The following CD4 variants were observed in gnomAD, a reference collection of about 807,000 sequenced individuals.
CD4 encodes CD4 molecule.
A neutral mutation model predicts 50.5 loss-of-function variants in CD4; 25 were observed. The observed-to-expected ratio is 0.49, with a 90% CI of 0.36 to 0.69. CD4 has a LOEUF of 0.69. Among genes scored for constraint, CD4 ranks in the 30% least tolerant of loss-of-function variants. The probability of loss-of-function intolerance (pLI) is 0.00; values close to 1 mark genes in which losing one functional copy is unlikely to be tolerated. For missense variants in CD4, 456 were observed against 548.5 expected, an observed-to-expected ratio of 0.83 and a Z score of 1.68; for synonymous variants, 207 against 221.9, an observed-to-expected ratio of 0.93 and a Z score of 0.60.
chr12:6,817,671 C>G (rs1224241789), intron 7 of CD4, among the ~76,000 whole-genome samples: 1 of 152,010 alleles, frequency 6.6e-6, no homozygotes, highest in East Asian at 1.9e-4. Context: ...CACACTCACA[C>G]ACATACACTC....
intron 5 of CD4, chr12:6,815,760 G>A (rs1481231743): frequency 7.1e-7 from 1 of 1,403,210 alleles, no homozygotes; most frequent in African/African-American, 1.4e-5. Flanking sequence ...AGGAGTGGAG[G>A]CCAAATGGCT....
intron 3 of CD4, among the ~76,000 whole-genome samples, chr12:6,809,890 C>CTTT (rs33952514): frequency 0.11 from 14,338 of 125,822 alleles, 1,417 homozygotes; most frequent in East Asian, 0.29. Context: ...GCCTATACCT[C>CTTT]TTTTTTTTTT....
At chr12:6,806,151 G>A (rs1555116130) in intron 3 of CD4, among the ~76,000 whole-genome samples, 1 of 81,634 alleles carries the variant, frequency 1.2e-5, no homozygotes, top group Non-Finnish European at 2.5e-5. Context: ...AAAAAAAAAG[G>A]TACATACACA....
rs1165753347 is a variant in CD4, at chr12:6,816,497, G to A, written c.955+94G>A. The stretch of plus-strand genomic sequence containing the variant: ...TGAGGCAAGCCAGGCCCCAAGAGGG[G>A]ATGCCTAGGCCCTGGTCACCTGGAT... On this transcript the variant is annotated intron_variant, in intron 6 of 9. Transcript: ENST00000011653. The surrounding 1 kb of genome is among the most constrained non-coding windows in gnomAD (Gnocchi z 4.9). 2 of 1,047,234 alleles carry A rather than the reference G, an allele frequency of 1.9e-6. No individual in the cohort carries two copies. The highest frequency in any genetic ancestry group is 1.6e-5 in the African/African-American group (1 of 61,964). The allele number at this position is 1,047,234 out of a possible 1,614,324, so 64.9% of individuals were successfully genotyped here.
chr12:6,794,195 C>T (rs1311889095), intron 1 of CD4, among the ~76,000 whole-genome samples: 4 of 150,458 alleles, frequency 2.7e-5, no homozygotes, highest in Non-Finnish European at 5.9e-5. Context: ...ACCTCAGCCT[C>T]CTCAGTAGCT....
chr12:6,815,935 G>C, intron 5 of CD4, 121 bp from the exon 6 acceptor site: 1 of 1,530,016 alleles, frequency 6.5e-7, no homozygotes, highest in South Asian at 1.2e-5. Context: ...GAAGTGACAA[G>C]GTGGGTGTCT....
At position 6,816,384 on chromosome 12, in the gene CD4, G is replaced by A; in HGVS notation, c.936G>A (p.Val312=). Residue 312 remains valine (V), a synonymous_variant, in exon 6 of 10, where the codon GTG becomes GTA. Coordinates refer to ENST00000011653, the MANE Select transcript of CD4 (RefSeq NM_000616.5). The surrounding 1 kb of genome is among the most constrained non-coding windows in gnomAD (Gnocchi z 4.9). ...EAKTGKLHQE[V]NLVVMRATQL... is the part of the protein sequence containing the mutation. ...AAACAGGAAAGTTGCATCAGGAAGT[G>A]AACCTGGTGGTGATGAGAGGTGAGG... The A allele has an allele frequency of 6.2e-7, 1 of 1,613,418 alleles. No homozygotes were observed. The highest frequency in any genetic ancestry group is 8.5e-7 in the Non-Finnish European group (1 of 1,179,600).
Position 6,816,785 on chromosome 12 carries a change from C to T in CD4, c.956-345C>T, listed in dbSNP as rs1943093883. On this transcript the variant is annotated intron_variant, in intron 6 of 9. Coordinates refer to ENST00000011653, the MANE Select transcript of CD4 (RefSeq NM_000616.5). This position sits in a 1 kb window ranked among gnomAD's most constrained non-coding sequence, Gnocchi z 4.9. ...TAATGTCAAGCTCCAAATTGAGTTT[C>T]TGGCTTCCTTATCTCCTTATCATCA... Among the ~76,000 whole-genome samples the T allele has an allele frequency of 1.3e-5, 2 of 152,334 alleles. No individual in the cohort carries two copies. The highest frequency in any genetic ancestry group is 1.5e-5 in the Non-Finnish European group (1 of 68,022).
intron 1 of CD4, among the ~76,000 whole-genome samples, chr12:6,791,242 A>T (rs923925261): frequency 1.4e-4 from 22 of 152,030 alleles, no homozygotes; most frequent in African/African-American, 5.3e-4. Flanking sequence ...TGCACGTTTT[A>T]TTTTTTATTA....
intron 3 of CD4, among the ~76,000 whole-genome samples, chr12:6,805,432 G>A (rs1555116010): frequency 1.3e-5 from 2 of 151,294 alleles, no homozygotes; most frequent in South Asian, 2.1e-4. Flanking sequence ...GTGTTGTGGC[G>A]CATGCCTGAT....
chr12:6,798,098 T>C (rs2857239), intron 1 of CD4, among the ~76,000 whole-genome samples: 99,898 of 151,778 alleles, frequency 0.66, 33,020 homozygotes, highest in African/African-American at 0.7. Context: ...TTCCACAGTG[T>C]ATTGTGTCTC....
chr12:6,796,262 G>A (rs1196397464), intron 1 of CD4, among the ~76,000 whole-genome samples: 3 of 152,160 alleles, frequency 2.0e-5, no homozygotes, highest in African/African-American at 7.2e-5. Flanking sequence ...ACACAAAGTA[G>A]AAGGTGGAAC....
chr12:6,814,329 C>G, intron 4 of CD4, 29 bp downstream of exon 4: 2 of 1,601,578 alleles, frequency 1.2e-6, no homozygotes, highest in Non-Finnish European at 1.7e-6. Flanking sequence ...GATGAGGATA[C>G]CTCCTGCCTG....
At chr12:6,815,638 G>A (rs987030281) in intron 5 of CD4, 14 of 967,052 alleles carry the variant, frequency 1.4e-5, no homozygotes, top group African/African-American at 6.7e-5. Flanking sequence ...TGACTACCTC[G>A]TATTAAGTTG....
chr12:6,805,204 AAAGAAAAG>A (rs1372496963), intron 3 of CD4, among the ~76,000 whole-genome samples: 4 of 27,714 alleles, frequency 1.4e-4, no homozygotes, highest in Non-Finnish European at 3.0e-4. Context: ...AAAAAAAAAA[AAAGAAAAG>A]AAAAGAAAAG....
intron 3 of CD4, among the ~76,000 whole-genome samples, chr12:6,804,741 G>A (rs761984283): frequency 3.9e-5 from 6 of 152,124 alleles, no homozygotes; most frequent in Admixed American, 6.6e-5. Flanking sequence ...GCATGGCCGG[G>A]TGCAGTGGCT....
In CD4 at chr12:6,816,357, GA is replaced by G. The variant is rs782808632; in HGVS notation, c.913del (p.Thr305GlnfsTer8). 5 of 1,614,060 alleles carry G rather than the reference GA, an allele frequency of 3.1e-6. No individual in the cohort carries two copies. The highest frequency in any genetic ancestry group is 4.2e-6 in the Non-Finnish European group (5 of 1,179,946). On this transcript the variant is annotated frameshift_variant, in exon 6 of 10. Transcript: ENST00000011653. LOFTEE classifies it high-confidence loss of function. This position sits in a 1 kb window ranked among gnomAD's most constrained non-coding sequence, Gnocchi z 4.9. ...GAAACCTCACCCTGGCCCTTGAAGC[GA>G]AAACAGGAAAGTTGCATCAGGAAGT... ...SGNLTLALEA[K>X]TGKLHQEVNL... is the part of the protein sequence containing the mutation.
intron 9 of CD4, 44 bp from the exon 10 acceptor site, chr12:6,819,255 T>C: frequency 6.2e-7 from 1 of 1,607,544 alleles, no homozygotes; most frequent in Non-Finnish European, 8.5e-7. Context: ...GCAAAGGGGT[T>C]GCAGTGGGGA....
chr12:6,789,619 C>T lies in CD4; in HGVS notation c.-111C>T, dbSNP rs200465137. 49 of 152,346 alleles carry T rather than the reference C, an allele frequency of 3.2e-4. No individual in the cohort carries two copies. The highest frequency in any genetic ancestry group is 1.0e-3 in the African/African-American group (43 of 41,574). 9.4% of individuals were successfully genotyped at this position (152,346 alleles called of 1,614,324 possible). On this transcript the variant is annotated 5_prime_UTR_variant, in exon 1 of 10. It adds an upstream start codon to the 5' untranslated region. Coordinates refer to ENST00000011653, the MANE Select transcript of CD4 (RefSeq NM_000616.5). The stretch of plus-strand genomic sequence containing the variant: ...AGAGCTCCAAGTCCTCACACAGATA[C>T]GCCTGTTTGAGAAGCAGCGGGCAAG...
Sources: allele counts gnomAD v4.1 joint callset (sites outside exome capture counted in the v4.1 genomes callset), GRCh38; gene constraint gnomAD v4.1.1; non-coding constraint Gnocchi (gnomAD v3.1); transcripts MANE v1.5; gene names NCBI Gene and HGNC (gene_info 2026-07-23, HGNC 2026-07-21).